MESD: variants seen among roughly 807,000 people sequenced by gnomAD.
MESD encodes the protein mesoderm development LRP chaperone, also known as LRP chaperone MESD.
MESD carries 7 observed loss-of-function variants against 12.9 expected under a neutral mutation model. That is an observed-to-expected ratio of 0.54 (90% CI 0.31 to 1.02). MESD has a LOEUF of 1.02. Among genes scored for constraint, MESD ranks in the 50% least tolerant of loss-of-function variants. The probability of loss-of-function intolerance (pLI) is 0.05; values close to 1 mark genes in which losing one functional copy is unlikely to be tolerated. For synonymous variants in MESD, 126 were observed against 115.6 expected (o/e 1.09, Z -0.58); for missense variants, 342 against 296.7 (o/e 1.15, Z -1.12).
intron 2 of MESD, among the ~76,000 whole-genome samples, chr15:80,980,456 G>C (rs890552024): frequency 6.6e-6 from 1 of 152,210 alleles, no homozygotes; most frequent in Non-Finnish European, 1.5e-5. Flanking sequence ...CATGGTCCAA[G>C]CTCTATGTGT....
chr15:80,948,264 G>A (rs1901651357), exon 5 of MESD: 1 of 204,434 alleles, frequency 4.9e-6, no homozygotes, highest in Non-Finnish European at 1.0e-5. Flanking sequence ...GGAGAGTGCT[G>A]TGTGGGTTTC....
chr15:80,968,505 A>T (rs1413808597), intron 3 of MESD, among the ~76,000 whole-genome samples: 1 of 152,210 alleles, frequency 6.6e-6, no homozygotes, highest in Non-Finnish European at 1.5e-5. Context: ...AAATGATAAT[A>T]GTTAACATGT....
intron 3 of MESD, among the ~76,000 whole-genome samples, chr15:80,963,067 A>G (rs1023366434): frequency 3.9e-5 from 6 of 152,248 alleles, no homozygotes; most frequent in Non-Finnish European, 7.3e-5. Context: ...TGAAAAGATC[A>G]ACAAAATAGA....
At chr15:80,979,767 C>G (rs1902524657) in intron 2 of MESD, among the ~76,000 whole-genome samples, 1 of 152,182 alleles carries the variant, frequency 6.6e-6, no homozygotes, top group African/African-American at 2.4e-5. Context: ...CTCCCTAGGA[C>G]ACTGCAGAGG....
downstream of MESD, chr15:80,947,112 G>T: frequency 8.1e-7 from 1 of 1,232,000 alleles, no homozygotes; most frequent in Non-Finnish European, 1.2e-6. Context: ...ACCAGAGAAG[G>T]CAAATGCCTG....
intron 3 of MESD, chr15:80,953,025 A>G (rs57365883): frequency 0.015 from 6,942 of 456,010 alleles, 302 homozygotes; most frequent in African/African-American, 0.1. Flanking sequence ...TGGAAGTAGG[A>G]CAGGTGTTGG....
At chr15:80,988,245 T>C (rs1347190673) in intron 1 of MESD, among the ~76,000 whole-genome samples, 2 of 152,198 alleles carry the variant, frequency 1.3e-5, no homozygotes, top group African/African-American at 2.4e-5. Context: ...ATCTAGAAAA[T>C]AGGGATAAGT....
At chr15:80,948,219 T>C (rs538396981) in exon 5 of MESD, 33 of 175,114 alleles carry the variant, frequency 1.9e-4, no homozygotes, top group Non-Finnish European at 3.6e-4. Flanking sequence ...TGGATTCCCA[T>C]GCCCCTCGGA....
intron 3 of MESD, among the ~76,000 whole-genome samples, chr15:80,958,762 C>G (rs919937391): frequency 1.3e-5 from 2 of 152,188 alleles, no homozygotes; most frequent in African/African-American, 4.8e-5. Context: ...AGCCTGTCTT[C>G]AATGTGATCA....
chr15:80,981,024 C>T (rs1364278494), intron 2 of MESD, among the ~76,000 whole-genome samples: 1 of 151,854 alleles, frequency 6.6e-6, no homozygotes, highest in East Asian at 2.0e-4. Context: ...CAGGGTTTCC[C>T]CACGTTGGCC....
chr15:80,952,188 C>T (rs1390326647), exon 4 of MESD: 4 of 456,108 alleles, frequency 8.8e-6, no homozygotes, highest in African/African-American at 2.0e-5. Context: ...ACACGTTTGA[C>T]AAGAGCATGG....
chr15:80,955,528 C>A (rs1176704049), intron 3 of MESD, among the ~76,000 whole-genome samples: 3 of 151,292 alleles, frequency 2.0e-5, no homozygotes, highest in Non-Finnish European at 4.4e-5. Flanking sequence ...CTCAGGCTCT[C>A]CCAGATCAGC....
intron 3 of MESD, among the ~76,000 whole-genome samples, chr15:80,956,571 G>A (rs1431993482): frequency 6.6e-6 from 1 of 152,084 alleles, no homozygotes; most frequent in Admixed American, 6.5e-5. Context: ...ATTTACAATT[G>A]GGGTAAGGGG....
In MESD at chr15:80,976,288, G is replaced by C. The variant is rs979321209; in HGVS notation, c.*2931C>G. 1.3e-5 allele frequency: 2 copies of C among 152,392 alleles called. No homozygotes were observed. Among genetic ancestry groups the C allele is most frequent in the Non-Finnish European group, 2.9e-5 (2 of 68,174 alleles). The allele number at this position is 152,392 out of a possible 1,614,324, so 9.4% of individuals were successfully genotyped here. On this transcript the variant is annotated 3_prime_UTR_variant, in exon 3 of 3. Transcript: ENST00000261758. ...TTACAGGCGTGAGCCACTGTACCCA[G>C]CCCAACATTTCTTTTGCTCATGAAT... is the stretch of plus-strand genomic sequence containing the variant.
chr15:80,962,305 T>C (rs1215047543), intron 3 of MESD, among the ~76,000 whole-genome samples: 1 of 152,164 alleles, frequency 6.6e-6, no homozygotes, highest in African/African-American at 2.4e-5. Context: ...CCTAAATATA[T>C]ATGCACCCAA....
chr15:80,969,062 A>G (rs2141797670), intron 3 of MESD, among the ~76,000 whole-genome samples: 2 of 152,206 alleles, frequency 1.3e-5, no homozygotes, highest in East Asian at 3.9e-4. Flanking sequence ...GTGATGGTGC[A>G]CACCTGTGGT....
At chr15:80,956,599 A>G (rs1901989899) in intron 3 of MESD, among the ~76,000 whole-genome samples, 1 of 152,256 alleles carries the variant, frequency 6.6e-6, no homozygotes. Flanking sequence ...AAAAAAAGCC[A>G]GCAGCCAACC....
rs574775659 is a variant in MESD at position 80,966,034 on chromosome 15, T to C, written c.*288+12897A>G. On this transcript the variant is annotated intron_variant, in intron 3 of 4. Coordinates refer to the MESD transcript ENST00000561312. ...CCAAAATAAAGATTAAAAATGATTA[T>C]TAAAATGTTGATAATTATTAGAACT... Among the ~76,000 whole-genome samples, 16 of 152,388 alleles carry C rather than the reference T, an allele frequency of 1.0e-4. 1 individual carries two copies. The East Asian group carries it at 1.3e-3, about 13-fold the overall frequency.
downstream of MESD, chr15:80,946,620 C>T (rs1202271679): frequency 6.7e-6 from 2 of 299,834 alleles, no homozygotes; most frequent in Non-Finnish European, 1.3e-5. Flanking sequence ...AGATACATAT[C>T]GAAGTCCTAC....
Sources: gnomAD v4.1 joint callset for allele counts (sites outside exome capture counted in the v4.1 genomes callset) on GRCh38, gnomAD v4.1.1 for gene constraint, MANE v1.5 for transcripts, NCBI Gene and HGNC (gene_info 2026-07-23, HGNC 2026-07-21) for gene names.